Variants in SLC35A3 observed in about 807,000 individuals in gnomAD.
The protein encoded by SLC35A3 is UDP-N-acetylglucosamine transporter.
In SLC35A3, 26 loss-of-function variants were observed where a neutral mutation model predicts 39.0. That is an observed-to-expected ratio of 0.67 (90% CI 0.49 to 0.92). SLC35A3 has a LOEUF of 0.92. Among genes scored for constraint, SLC35A3 ranks in the 40% least tolerant of loss-of-function variants. SLC35A3 has a pLI of 0.00. For missense variants in SLC35A3, 299 were observed against 371.6 expected (o/e 0.80, Z 1.61); for synonymous variants, 135 against 133.1 (o/e 1.01, Z -0.10).
intron 1 of SLC35A3, chr1:99,975,005 G>A (rs12138380): frequency 0.047 from 7,052 of 151,178 alleles, 192 homozygotes; most frequent in African/African-American, 0.069. Context: ...GTACAGAGGC[G>A]CAATCTCAGC....
chr1:99,974,553 C>T (rs890023764), intron 1 of SLC35A3, among the ~76,000 whole-genome samples: 3 of 152,132 alleles, frequency 2.0e-5, no homozygotes, highest in African/African-American at 7.2e-5. Context: ...TGGTCTTGAA[C>T]TCCTGGCCTC....
In SLC35A3 at chr1:100,024,709, C is replaced by T; in HGVS notation, c.*2233C>T. 1 of 394,488 alleles carries T rather than the reference C, an allele frequency of 2.5e-6. No individual in the cohort carries two copies. The highest frequency in any genetic ancestry group is 4.5e-6 in the Non-Finnish European group (1 of 224,572). 24.4% of individuals were successfully genotyped at this position (394,488 alleles called of 1,614,324 possible). A position where few individuals can be genotyped will look rare whatever the true frequency, so the allele number is the denominator to read the frequency against. ...TCTCGGCTTACTGCAACCTCCCACT[C>T]CCTGGTTCAAGGGATTCTCCTGCCT... On this transcript the variant is annotated 3_prime_UTR_variant, in exon 8 of 8. Coordinates refer to ENST00000533028, the MANE Select transcript of SLC35A3 (RefSeq NM_012243.3).
chr1:100,024,551 A>C lies in SLC35A3; in HGVS notation c.*2075A>C, dbSNP rs80257680. Reference sequence around the variant, plus strand: ...GGGTGACAGAGCGAGACTCCGTCTCAAAAAAAAAAAAAAGAAAACACACAC... The same window carrying C: ...GGGTGACAGAGCGAGACTCCGTCTCCAAAAAAAAAAAAAGAAAACACACAC... On this transcript the variant is annotated 3_prime_UTR_variant, in exon 8 of 8. Transcript: ENST00000533028. The C allele has an allele frequency of 6.7e-6, 1 of 149,466 alleles. No homozygotes were observed. The highest frequency in any genetic ancestry group is 1.5e-5 in the Non-Finnish European group (1 of 68,950). The allele number at this position is 149,466 out of a possible 1,614,324, so 9.3% of individuals were successfully genotyped here. A position where few individuals can be genotyped will look rare whatever the true frequency, so the allele number is the denominator to read the frequency against.
In SLC35A3 at chr1:100,015,346, G is replaced by GA. The variant is rs866803539; in HGVS notation, c.680dup (p.Asp227GlufsTer15). 6.2e-6 allele frequency: 10 copies of GA among 1,612,764 alleles called. No individual in the cohort carries two copies. In the African/African-American group the frequency reaches 1.2e-4, roughly 19 times the overall value. On this transcript the variant is annotated frameshift_variant, in exon 6 of 8. Coordinates refer to ENST00000533028, the MANE Select transcript of SLC35A3 (RefSeq NM_012243.3). LOFTEE classifies it high-confidence loss of function. ...TGGATTAATGGGTGTATACATTTAT[G>GA]ATGGAGAACTGGTATCAAAGAATGG... is the stretch of plus-strand genomic sequence containing the variant.
At chr1:100,006,424 A>G (rs188870625) in intron 3 of SLC35A3, among the ~76,000 whole-genome samples, 137 of 152,220 alleles carry the variant, frequency 9.0e-4, no homozygotes, top group East Asian at 9.7e-4. Flanking sequence ...AAGCAGCAGT[A>G]GGCCAATCTT....
At chr1:99,994,511 C>CAT (rs1658271856) in intron 2 of SLC35A3, among the ~76,000 whole-genome samples, 1 of 152,162 alleles carries the variant, frequency 6.6e-6, no homozygotes, top group African/African-American at 2.4e-5. Flanking sequence ...TATGAATTTG[C>CAT]CTATTCTAAA....
chr1:99,971,448 A>T (rs1197335348), intron 1 of SLC35A3, among the ~76,000 whole-genome samples: 1 of 151,764 alleles, frequency 6.6e-6, no homozygotes, highest in East Asian at 1.9e-4. Flanking sequence ...CTGGGACTAC[A>T]GGCGCCCGCC....
At position 99,992,151 on chromosome 1, in the gene SLC35A3, GAGAAAGGTAGGGTAAAAATCTTTAATT is replaced by G. The variant is rs1379533739; in HGVS notation, c.-18-1384_-18-1358del. 2.0e-5 allele frequency among the ~76,000 whole-genome samples: 3 copies of G among 152,250 alleles called. No individual in the cohort carries two copies. The East Asian group carries it at 5.8e-4, about 29-fold the overall frequency. ...TTTTGTTGTTATTTTACTAATTACTGAGAAAGGTAGGGTAAAAATCTTTAATTATGACTGCATTTACCTGTTTTCCCC... is the reference window on the plus strand; with the variant it reads ...TTTTGTTGTTATTTTACTAATTACTGATGACTGCATTTACCTGTTTTCCCC... On this transcript the variant is annotated intron_variant, in intron 1 of 7. Coordinates refer to ENST00000533028, the MANE Select transcript of SLC35A3 (RefSeq NM_012243.3).
chr1:99,986,017 C>T (rs1371776999), intron 1 of SLC35A3, among the ~76,000 whole-genome samples: 1 of 152,094 alleles, frequency 6.6e-6, no homozygotes, highest in Non-Finnish European at 1.5e-5. Flanking sequence ...TATCAGCAAA[C>T]AGCCACACTT....
At chr1:100,019,268 G>T (rs115233992) in intron 7 of SLC35A3, among the ~76,000 whole-genome samples, 2,035 of 151,992 alleles carry the variant, frequency 0.013, 17 homozygotes, top group Middle Eastern at 0.058. Context: ...GGACAAAAGA[G>T]TAGTAGTTTG....
intron 1 of SLC35A3, among the ~76,000 whole-genome samples, chr1:99,991,316 T>C (rs1570584863): frequency 6.6e-6 from 1 of 152,300 alleles, no homozygotes; most frequent in East Asian, 1.9e-4. Context: ...GGCTAATTTT[T>C]TGTATTTTTA....
intron 1 of SLC35A3, among the ~76,000 whole-genome samples, chr1:99,980,922 T>C (rs1384511838): frequency 6.6e-6 from 1 of 152,234 alleles, no homozygotes; most frequent in Non-Finnish European, 1.5e-5. Context: ...GAGATTATTA[T>C]GGATTTCAAG....
At chr1:100,014,867 A>G (rs962292543) in intron 5 of SLC35A3, among the ~76,000 whole-genome samples, 8 of 152,182 alleles carry the variant, frequency 5.3e-5, no homozygotes, top group African/African-American at 9.7e-5. Context: ...TTTAGAAAGT[A>G]ATCTAATTTT....
In SLC35A3 at chr1:99,971,605, C is replaced by A. The variant is rs1339911369; in HGVS notation, c.-19+1443C>A. Among the ~76,000 whole-genome samples, 7 of 152,300 alleles carry A rather than the reference C, an allele frequency of 4.6e-5. No individual in the cohort carries two copies. In the South Asian group the frequency reaches 1.4e-3, roughly 32 times the overall value. ...TACAGGCGTGAGCCACCGCACCCGGCCCCCAATATGATTCTTTCTTTTTTC... is the reference window on the plus strand; with the variant it reads ...TACAGGCGTGAGCCACCGCACCCGGACCCCAATATGATTCTTTCTTTTTTC... On this transcript the variant is annotated intron_variant, in intron 1 of 7. Coordinates refer to ENST00000533028, the MANE Select transcript of SLC35A3 (RefSeq NM_012243.3).
intron 6 of SLC35A3, among the ~76,000 whole-genome samples, chr1:100,016,827 C>G (rs1660174108): frequency 6.6e-6 from 1 of 152,138 alleles, no homozygotes. Context: ...AAGCCCCCTT[C>G]CCTTAAAAAG....
intron 1 of SLC35A3, among the ~76,000 whole-genome samples, chr1:99,977,935 AATTAT>A (rs1311550470): frequency 6.6e-6 from 1 of 152,192 alleles, no homozygotes; most frequent in Non-Finnish European, 1.5e-5. Context: ...CTTAATGAGT[AATTAT>A]ATTTTACTTT....
intron 3 of SLC35A3, among the ~76,000 whole-genome samples, chr1:100,005,553 T>A (rs1049429579): frequency 2.6e-5 from 4 of 152,214 alleles, no homozygotes; most frequent in African/African-American, 7.2e-5. Context: ...CTCTTTTTTT[T>A]ATGTGACTGG....
rs1316448163 is a variant in SLC35A3, at chr1:100,015,372, A to AT, written c.711dup (p.Gln238SerfsTer4). ...ATGGAGAACTGGTATCAAAGAATGG[A>AT]TTTTTTCAGGGATATAACCGACTGA... On this transcript the variant is annotated frameshift_variant, in exon 6 of 8. Coordinates refer to ENST00000533028, the MANE Select transcript of SLC35A3 (RefSeq NM_012243.3). LOFTEE classifies it high-confidence loss of function. 3.1e-6 allele frequency: 5 copies of AT among 1,613,082 alleles called. No individual in the cohort carries two copies. Among genetic ancestry groups the AT allele is most frequent in the Non-Finnish European group, 4.2e-6 (5 of 1,179,700 alleles).
In SLC35A3 at chr1:100,023,333, TTAAA is replaced by T. The variant is rs1660679328; in HGVS notation, c.*860_*863del. ...ATTTTCAAAATGTAATTTAAAAGGA[TTAAA>T]TACTCATTTAATAATTTAAAATAAT... On this transcript the variant is annotated 3_prime_UTR_variant, in exon 8 of 8. Transcript: ENST00000533028. The T allele has an allele frequency of 6.6e-6, 1 of 152,178 alleles. No homozygotes were observed. The highest frequency in any genetic ancestry group is 1.5e-5 in the Non-Finnish European group (1 of 68,034). 9.4% of individuals were successfully genotyped at this position (152,178 alleles called of 1,614,324 possible).
Sources: gnomAD v4.1 joint callset for allele counts (sites outside exome capture counted in the v4.1 genomes callset) on GRCh38, gnomAD v4.1.1 for gene constraint, MANE v1.5 for transcripts, NCBI Gene and HGNC (gene_info 2026-07-23, HGNC 2026-07-21) for gene names.